The following CEP170B variants were observed in gnomAD, a reference collection of about 807,000 sequenced individuals.
CEP170B encodes centrosomal protein 170B, also known as centrosomal protein of 170 kDa protein B.
A neutral mutation model predicts 120.6 loss-of-function variants in CEP170B; 55 were observed. The ratio of observed to expected loss-of-function variants is 0.46; its 90% CI spans 0.37 to 0.57. The LOEUF (loss-of-function observed/expected upper bound fraction) is 0.57. Ranked by LOEUF, CEP170B falls within the 20% of genes least tolerant of loss-of-function variation. The pLI, the probability that CEP170B is intolerant of heterozygous loss-of-function variation, is 0.00. For missense variants in CEP170B, 2,212 were observed against 2,253.3 expected (o/e 0.98, Z 0.37); for synonymous variants, 1,033 against 954.5 (o/e 1.08, Z -1.52).
chr14:104,871,250 T>C (rs1016582338), intron 2 of CEP170B, among the ~76,000 whole-genome samples: 1 of 152,190 alleles, frequency 6.6e-6, no homozygotes, highest in African/African-American at 2.4e-5. Context: ...TCCAGCCTCC[T>C]ACTGGATATG....
At position 104,893,436 on chromosome 14, in the gene CEP170B, A is replaced by G. The variant is rs938538341; in HGVS notation, c.4039-87A>G. ...GACGGAAGGTGGGTGTGCTCTGTCCACCTGCCGGGCCGGAGCAGGGAGGTG... is the reference window on the plus strand; with the variant it reads ...GACGGAAGGTGGGTGTGCTCTGTCCGCCTGCCGGGCCGGAGCAGGGAGGTG... On this transcript the variant is annotated intron_variant, in intron 14 of 18. Coordinates refer to ENST00000414716, the MANE Select transcript of CEP170B (RefSeq NM_001112726.3). 4.1e-6 allele frequency: 6 copies of G among 1,475,800 alleles called. No individual in the cohort carries two copies. The South Asian group carries it at 7.7e-5, about 19-fold the overall frequency. The allele number at this position is 1,475,800 out of a possible 1,614,324, so 91.4% of individuals were successfully genotyped here. A position where few individuals can be genotyped will look rare whatever the true frequency, so the allele number is the denominator to read the frequency against.
At position 104,894,916 on chromosome 14, in the gene CEP170B, G is replaced by T; in HGVS notation, c.4623G>T (p.Pro1541=). The T allele has an allele frequency of 6.3e-7, 1 of 1,595,120 alleles. No homozygotes were observed. Among genetic ancestry groups the T allele is most frequent in the East Asian group, 2.3e-5 (1 of 43,992 alleles). The change falls in exon 19 of 19, where the codon CCG becomes CCT. Residue 1541 remains proline, a synonymous_variant. Coordinates refer to ENST00000414716, the MANE Select transcript of CEP170B (RefSeq NM_001112726.3). Reference sequence around the variant, plus strand: ...CCAGCTGTGGGCCTCCCAGCCTCCCGGACCCCACCTTCCTCCCTGATGCCG... The same window carrying T: ...CCAGCTGTGGGCCTCCCAGCCTCCCTGACCCCACCTTCCTCCCTGATGCCG... ...QRASCGPPSL[P]DPTFLPDAER... is the part of the protein sequence containing the mutation.
rs755811975 is a variant in CEP170B, at chr14:104,878,450, C to G, written c.282C>G (p.Asn94Lys). Residue 94 changes from asparagine (N) to lysine (K), a missense_variant, in exon 5 of 19, where the codon AAC (asparagine) becomes AAG (lysine). Coordinates refer to ENST00000414716, the MANE Select transcript of CEP170B (RefSeq NM_001112726.3). The stretch of plus-strand genomic sequence containing the variant: ...GCCTTAACACGTGTCCACATTCCAA[C>G]ATGTATGTGCTGGAGCGTGTGCAGC... ...NDVIRFGYDS[N>K]MYVLERVQHR... The G allele has an allele frequency of 1.9e-6, 3 of 1,612,540 alleles. No individual in the cohort carries two copies. The Admixed American group carries it at 5.0e-5, about 27-fold the overall frequency.
In CEP170B at chr14:104,867,443, C is replaced by T. The variant is rs1314567997; in HGVS notation, c.-27-981C>T. On this transcript the variant is annotated intron_variant, in intron 1 of 18. Transcript: ENST00000414716. This position sits in a 1 kb window ranked among gnomAD's most constrained non-coding sequence, Gnocchi z 5.4. ...GTGCCTGCCCCCTGCTGAAGGGAGCCCCAGGATTCTGAGACTCTGTGTCTT... is the reference window on the plus strand; with the variant it reads ...GTGCCTGCCCCCTGCTGAAGGGAGCTCCAGGATTCTGAGACTCTGTGTCTT... 2.0e-5 allele frequency among the ~76,000 whole-genome samples: 3 copies of T among 152,144 alleles called. No individual in the cohort carries two copies. The highest frequency in any genetic ancestry group is 4.4e-5 in the Non-Finnish European group (3 of 68,026).
rs1443262697 is a variant in CEP170B, at chr14:104,872,438, TGTGTGTGCCATGTGTGTGCGTGTGG to T, written c.106-3812_106-3788del. Among the ~76,000 whole-genome samples, 353 of 122,622 alleles carry T rather than the reference TGTGTGTGCCATGTGTGTGCGTGTGG, an allele frequency of 2.9e-3. 21 individuals carry two copies. The highest frequency in any genetic ancestry group is 0.011 in the African/African-American group (273 of 24,002). 80.4% of individuals were successfully genotyped at this position (122,622 alleles called of 152,430 possible). ...CGTGGGTGTGCCGTGCGTGTGTGCG[TGTGTGTGCCATGTGTGTGCGTGTGG>T]GTGTGCCGTGTGTGTGCGTGTGTGC... On this transcript the variant is annotated intron_variant, in intron 2 of 18. Coordinates refer to ENST00000414716, the MANE Select transcript of CEP170B (RefSeq NM_001112726.3).
intron 12 of CEP170B, 127 bp downstream of exon 12, chr14:104,888,105 C>A: frequency 2.8e-6 from 3 of 1,080,032 alleles, no homozygotes; most frequent in Non-Finnish European, 3.9e-6. Flanking sequence ...CCTCTGTTCC[C>A]AAAGCTGGGG....
Position 104,895,228 on chromosome 14 carries a change from C to T in CEP170B, c.*270C>T, listed in dbSNP as rs1897027987. On this transcript the variant is annotated 3_prime_UTR_variant, in exon 19 of 19. Coordinates refer to ENST00000414716, the MANE Select transcript of CEP170B (RefSeq NM_001112726.3). The stretch of plus-strand genomic sequence containing the variant: ...CTCCTGGCCAGGCTGCTGCCAAGGT[C>T]AAGCCCTCAAGGGCATTACCCCGCC... 4.4e-6 allele frequency: 2 copies of T among 458,066 alleles called. No individual in the cohort carries two copies. Among genetic ancestry groups the T allele is most frequent in the African/African-American group, 4.0e-5 (2 of 49,740 alleles). 28.4% of individuals were successfully genotyped at this position (458,066 alleles called of 1,614,324 possible).
At chr14:104,889,121 G>T (rs1566871377) in intron 12 of CEP170B, among the ~76,000 whole-genome samples, 1 of 152,216 alleles carries the variant, frequency 6.6e-6, no homozygotes. Context: ...CGCTCTGACT[G>T]GTCCTTGCCT....
intron 4 of CEP170B, 52 bp downstream of exon 4, chr14:104,878,015 AC>A: frequency 7.2e-7 from 1 of 1,385,926 alleles, no homozygotes; most frequent in Non-Finnish European, 1.0e-6. Context: ...AGTCCCCAGG[AC>A]CACAGTCACC....
At chr14:104,881,950 C>T (rs1255917194) in intron 6 of CEP170B, among the ~76,000 whole-genome samples, 1 of 152,144 alleles carries the variant, frequency 6.6e-6, no homozygotes, top group Non-Finnish European at 1.5e-5. Flanking sequence ...CCTCTGGCCC[C>T]CCAGCAGTGT....
At position 104,880,450 on chromosome 14, in the gene CEP170B, G is replaced by C. The variant is rs768251987; in HGVS notation, c.472+25G>C. The C allele has an allele frequency of 5.6e-6, 9 of 1,607,370 alleles. No individual in the cohort carries two copies. In the East Asian group the frequency reaches 2.0e-4, roughly 36 times the overall value. ...GGTAGGCCCAGGCAGTGCGGATGGG[G>C]TGAGCACACAGGGCCACTGCCAGGC... On this transcript the variant is annotated intron_variant, in intron 6 of 18. Coordinates refer to ENST00000414716, the MANE Select transcript of CEP170B (RefSeq NM_001112726.3).
Position 104,880,437 on chromosome 14 carries a change from C to G in CEP170B, c.472+12C>G, listed in dbSNP as rs1896085718. ...GAGACCAGGAACAGGTAGGCCCAGG[C>G]AGTGCGGATGGGGTGAGCACACAGG... On this transcript the variant is annotated intron_variant, in intron 6 of 18. Coordinates refer to ENST00000414716, the MANE Select transcript of CEP170B (RefSeq NM_001112726.3). The G allele has an allele frequency of 6.2e-7, 1 of 1,610,282 alleles. No homozygotes were observed. Among genetic ancestry groups the G allele is most frequent in the South Asian group, 1.1e-5 (1 of 90,620 alleles).
chr14:104,885,423 C>A lies in CEP170B; in HGVS notation c.1825C>A (p.Arg609Ser). The change falls in exon 10 of 19, where the codon CGC becomes AGC. Residue 609 changes from arginine to serine, a missense_variant. Arg to Ser is a moderately radical substitution (Grantham distance 110). Transcript: ENST00000414716. ...CTCCAGGGCATCTTCGGCCACCTTT[C>A]GCCCAGTCATCAGAGGGGACAGAGA... ...ELSRASSATF[R>S]PVIRGDRDES... The A allele has an allele frequency of 6.4e-7, 1 of 1,566,110 alleles. No homozygotes were observed. Among genetic ancestry groups the A allele is most frequent in the East Asian group, 2.4e-5 (1 of 42,262 alleles).
At position 104,892,993 on chromosome 14, in the gene CEP170B, T is replaced by A; in HGVS notation, c.3896T>A (p.Val1299Glu). The A allele has an allele frequency of 1.9e-6, 3 of 1,570,884 alleles. No homozygotes were observed. The highest frequency in any genetic ancestry group is 2.6e-6 in the Non-Finnish European group (3 of 1,159,284). Residue 1299 changes from valine (V) to glutamate (E), a missense_variant, in exon 14 of 19, where the codon GTG (valine) becomes GAG (glutamate). By Grantham distance (121) the Val-to-Glu change is moderately radical (BLOSUM62 -2). Transcript: ENST00000414716. ...GGCTGCAGGCTGAGCCAGACGCTGG[T>A]GAAGGACGTGGCCATCCTAGCCCAG... ...AEIARLSQTL[V>E]KDVAILAQEI...
At position 104,877,862 on chromosome 14, in the gene CEP170B, C is replaced by A. The variant is rs746666943; in HGVS notation, c.196-23C>A. Reference sequence around the variant, plus strand: ...CCCACCCGCGCAGCTCCCCCCCCCCCCCCGCCACCTGTTTTCCTGCAGACG... The same window carrying A: ...CCCACCCGCGCAGCTCCCCCCCCCCACCCGCCACCTGTTTTCCTGCAGACG... On this transcript the variant is annotated intron_variant, in intron 3 of 18. Transcript: ENST00000414716. 86 of 1,192,884 alleles carry A rather than the reference C, an allele frequency of 7.2e-5. 1 individual carries two copies. The highest frequency in any genetic ancestry group is 1.4e-4 in the East Asian group (5 of 35,648). 73.9% of individuals were successfully genotyped at this position (1,192,884 alleles called of 1,614,324 possible).
At chr14:104,885,629 T>C in intron 10 of CEP170B, 87 bp downstream of exon 10, 2 of 1,477,870 alleles carry the variant, frequency 1.4e-6, no homozygotes, top group Non-Finnish European at 1.8e-6. Context: ...GGGCCCCCCA[T>C]GGGGCGAGAC....
In CEP170B at chr14:104,883,478, G is replaced by A. The variant is rs1262637665; in HGVS notation, c.1021G>A (p.Asp341Asn). 5.1e-6 allele frequency: 8 copies of A among 1,553,664 alleles called. No individual in the cohort carries two copies. The highest frequency in any genetic ancestry group is 1.9e-5 in the Admixed American group (1 of 51,480). The change falls in exon 8 of 19, where the codon GAC becomes AAC. Residue 341 changes from aspartate to asparagine, a missense_variant. Transcript: ENST00000414716. ...PGDDRHSTKS[D>N]LPVHTRTLKG... ...GGATGACCGCCACAGCACCAAGAGC[G>A]ACCTGCCTGTCCACACCCGCACCCT... is the stretch of plus-strand genomic sequence containing the variant.
At chr14:104,893,307 G>C (rs1007821190) in intron 14 of CEP170B, among the ~76,000 whole-genome samples, 172 bp downstream of exon 14, 1 of 152,246 alleles carries the variant, frequency 6.6e-6, no homozygotes, top group East Asian at 1.9e-4. Flanking sequence ...CGGAGAGCTC[G>C]AGGTCTGGGG....
intron 3 of CEP170B, 59 bp from the exon 4 acceptor site, chr14:104,877,826 G>GCCCACAGCCCCCCCCCCCC: frequency 1.9e-6 from 1 of 534,438 alleles, no homozygotes; most frequent in Non-Finnish European, 2.7e-6. Context: ...CTGCGGCCCT[G>GCCCACAGCCCCCCCCCCCC]CCCACAGCCA....
Sources: gnomAD v4.1 joint callset for allele counts (sites outside exome capture counted in the v4.1 genomes callset) on GRCh38, gnomAD v4.1.1 for gene constraint, Gnocchi (gnomAD v3.1) non-coding constraint, MANE v1.5 for transcripts, NCBI Gene and HGNC (gene_info 2026-07-23, HGNC 2026-07-21) for gene names.